The following GPHN variants were observed in gnomAD, a reference collection of about 807,000 sequenced individuals.
GPHN encodes the protein gephyrin.
In GPHN, 17 loss-of-function variants were observed where a neutral mutation model predicts 95.5. That is an observed-to-expected ratio of 0.18 (90% CI 0.12 to 0.27). GPHN has a LOEUF of 0.27. Among genes scored for constraint, GPHN ranks in the 10% least tolerant of loss-of-function variants. The probability of loss-of-function intolerance (pLI) is 1.00; values close to 1 mark genes in which losing one functional copy is unlikely to be tolerated. For synonymous variants in GPHN, 320 were observed against 322.5 expected (o/e 0.99, Z 0.08); for missense variants, 660 against 978.1 (o/e 0.67, Z 4.34).
intron 1 of GPHN, among the ~76,000 whole-genome samples, chr14:66,514,373 T>G (rs2058158962): frequency 6.6e-6 from 1 of 152,052 alleles, no homozygotes; most frequent in African/African-American, 2.4e-5. Flanking sequence ...AAGAACACTG[T>G]AAGAACTATG....
intron 13 of GPHN, among the ~76,000 whole-genome samples, chr14:67,102,163 C>T (rs2077744626): frequency 6.6e-6 from 1 of 151,980 alleles, no homozygotes; most frequent in Non-Finnish European, 1.5e-5. Flanking sequence ...TGAGCCACCG[C>T]GCCCGGCCTG....
At chr14:67,418,214 T>TAA in the GPHN span, among the ~76,000 whole-genome samples, 1 of 152,210 alleles carries the variant, frequency 6.6e-6, no homozygotes, top group African/African-American at 2.4e-5. Flanking sequence ...TTGGAGAAGT[T>TAA]AAATAACTTG....
At chr14:66,585,413 T>G (rs1399227322) in intron 1 of GPHN, among the ~76,000 whole-genome samples, 1 of 152,210 alleles carries the variant, frequency 6.6e-6, no homozygotes, top group Non-Finnish European at 1.5e-5. Flanking sequence ...ATCTTATTTA[T>G]TTCTTGCATT....
At chr14:66,666,088 C>T (rs1367144873) in intron 1 of GPHN, among the ~76,000 whole-genome samples, 3 of 142,442 alleles carry the variant, frequency 2.1e-5, no homozygotes, top group African/African-American at 5.3e-5. Flanking sequence ...ACATCACACA[C>T]CGGGGCCTGT....
chr14:66,788,120 C>T (rs1324261972), intron 3 of GPHN, among the ~76,000 whole-genome samples: 1 of 148,842 alleles, frequency 6.7e-6, no homozygotes, highest in Non-Finnish European at 1.5e-5. Context: ...ACCAACCTGG[C>T]CAACATGGTG....
chr14:67,028,428 TTTGAGGGAGTCC>T (rs2074031251), intron 10 of GPHN, among the ~76,000 whole-genome samples: 1 of 152,236 alleles, frequency 6.6e-6, no homozygotes, highest in Non-Finnish European at 1.5e-5. Flanking sequence ...TTTGTAGTTT[TTTGAGGGAGTCC>T]ATAGTGTTTT....
rs1197766664 is a variant in GPHN at position 66,738,899 on chromosome 14, T to C, written c.144-37565T>C. On this transcript the variant is annotated intron_variant, in intron 2 of 22. Coordinates refer to ENST00000478722, the MANE Select transcript of GPHN (RefSeq NM_020806.5). ...TTAATACTGTATAATACCAGGAAAT[T>C]GATTAATGTCATTAATCAACTATTA... Among the ~76,000 whole-genome samples, 3 of 152,156 alleles carry C rather than the reference T, an allele frequency of 2.0e-5. No homozygotes were observed. In the East Asian group the frequency reaches 5.8e-4, roughly 29 times the overall value.
chr14:67,200,263 C>T, the GPHN span: 2 of 802,230 alleles, frequency 2.5e-6, no homozygotes, highest in African/African-American at 1.8e-5. Flanking sequence ...CTCCCTCCAA[C>T]CAGGCCCACT....
At chr14:67,442,218 G>C in the GPHN span, among the ~76,000 whole-genome samples, 3 of 152,106 alleles carry the variant, frequency 2.0e-5, no homozygotes, top group African/African-American at 7.2e-5. Context: ...ATGTGGCCCT[G>C]CTGACACTCT....
intron 11 of GPHN, among the ~76,000 whole-genome samples, chr14:67,087,448 A>G (rs2076953108): frequency 7.5e-6 from 1 of 133,150 alleles, no homozygotes; most frequent in Non-Finnish European, 1.5e-5. Flanking sequence ...ATATGTGAAT[A>G]CAAACTAGAC....
At chr14:67,562,651 G>A in the GPHN span, 1 of 1,612,806 alleles carries the variant, frequency 6.2e-7, no homozygotes, top group Non-Finnish European at 8.5e-7. Flanking sequence ...TGGGCCATGG[G>A]CACTTTGGCC....
chr14:67,221,656 C>G, the GPHN span: 1 of 1,453,156 alleles, frequency 6.9e-7, no homozygotes, highest in South Asian at 1.3e-5. Context: ...GTTTGCTAAA[C>G]GTGTTTCATT....
At position 67,113,112 on chromosome 14, in the gene GPHN, G is replaced by A. The variant is rs1253387022; in HGVS notation, c.1567G>A (p.Val523Ile). Residue 523 changes from valine (V) to isoleucine (I), a missense_variant, in exon 16 of 23, where the codon GTC (valine) becomes ATC (isoleucine). Val to Ile is a conservative substitution (Grantham distance 29, BLOSUM62 3). Transcript: ENST00000478722. ...SEIGLLATVGVTEVEVNKFPV... is the reference protein window; with the variant it reads ...SEIGLLATVGITEVEVNKFPV... ...GATTGGTCTTCTGGCAACTGTAGGT[G>A]TCACAGAGGTTGAAGTTAATAAGTT... is the stretch of plus-strand genomic sequence containing the variant. The A allele has an allele frequency of 1.2e-6, 2 of 1,613,742 alleles. No homozygotes were observed. Among genetic ancestry groups the A allele is most frequent in the African/African-American group, 2.7e-5 (2 of 74,898 alleles).
intron 2 of GPHN, among the ~76,000 whole-genome samples, chr14:66,721,432 A>G (rs1566867316): frequency 6.6e-6 from 1 of 152,238 alleles, no homozygotes; most frequent in African/African-American, 2.4e-5. Context: ...TCAACTTTAT[A>G]TAACTCCTGA....
chr14:67,291,345 C>T, the GPHN span, among the ~76,000 whole-genome samples: 94 of 151,824 alleles, frequency 6.2e-4, 1 homozygote, highest in African/African-American at 2.2e-3. Flanking sequence ...TCTCCTGTCT[C>T]GCCTCCCGAG....
intron 1 of GPHN, among the ~76,000 whole-genome samples, chr14:66,646,376 A>T (rs1434225565): frequency 6.6e-6 from 1 of 152,126 alleles, no homozygotes; most frequent in Non-Finnish European, 1.5e-5. Flanking sequence ...GTTGGTGGGG[A>T]TGTAAAATGG....
intron 9 of GPHN, chr14:66,996,219 G>T: frequency 1.3e-6 from 2 of 1,525,256 alleles, no homozygotes; most frequent in Non-Finnish European, 1.8e-6. Flanking sequence ...TGTATCTGAG[G>T]TATATTTTGC....
intron 10 of GPHN, among the ~76,000 whole-genome samples, chr14:67,045,902 A>G (rs2074992564): frequency 6.6e-6 from 1 of 151,986 alleles, no homozygotes; most frequent in Non-Finnish European, 1.5e-5. Context: ...CAAGGCCTGA[A>G]TTCTTAACTT....
chr14:66,807,613 C>T (rs186309786), intron 3 of GPHN, among the ~76,000 whole-genome samples: 1 of 152,326 alleles, frequency 6.6e-6, no homozygotes, highest in East Asian at 1.9e-4. Context: ...AATGTTGTTT[C>T]TGAACTTCCC....
Sources: gnomAD v4.1 joint callset for allele counts (sites outside exome capture counted in the v4.1 genomes callset) on GRCh38, gnomAD v4.1.1 for gene constraint, MANE v1.5 for transcripts, NCBI Gene and HGNC (gene_info 2026-07-23, HGNC 2026-07-21) for gene names.